The following CXCL13 variants were observed in gnomAD, a reference collection of about 807,000 sequenced individuals.
CXCL13 encodes the protein C-X-C motif chemokine ligand 13, also known as C-X-C motif chemokine 13.
A neutral mutation model predicts 12.2 loss-of-function variants in CXCL13; 7 were observed. The observed-to-expected ratio is 0.57, with a 90% CI of 0.33 to 1.07. The LOEUF is 1.07. CXCL13 is among the 50% of genes least tolerant of loss of function. The pLI is 0.04. For synonymous variants in CXCL13, 47 were observed against 42.4 expected, an observed-to-expected ratio of 1.11 and a Z score of -0.42; for missense variants, 113 against 127.4, an observed-to-expected ratio of 0.89 and a Z score of 0.55.
intron 2 of CXCL13, among the ~76,000 whole-genome samples, chr4:77,608,793 C>T (rs1172504112): frequency 1.3e-5 from 2 of 152,292 alleles, no homozygotes; most frequent in East Asian, 3.9e-4. Flanking sequence ...GCATCAAACT[C>T]AGAGATGTGA....
At chr4:77,546,062 A>G (rs1216620200) in intron 1 of CXCL13, among the ~76,000 whole-genome samples, 2 of 152,058 alleles carry the variant, frequency 1.3e-5, no homozygotes. Context: ...ATTGATTTGC[A>G]TATGTTAAAC....
At chr4:77,542,868 G>A (rs1047904154) in intron 1 of CXCL13, among the ~76,000 whole-genome samples, 1 of 152,108 alleles carries the variant, frequency 6.6e-6, no homozygotes, top group South Asian at 2.1e-4. Context: ...TCAGGGTGAT[G>A]CTAGCTTTGT....
intron 1 of CXCL13, among the ~76,000 whole-genome samples, chr4:77,524,249 C>A (rs1724702347): frequency 6.6e-6 from 1 of 152,150 alleles, no homozygotes; most frequent in African/African-American, 2.4e-5. Flanking sequence ...CTGGGAGAAC[C>A]CCTTCTCTCT....
intron 1 of CXCL13, among the ~76,000 whole-genome samples, chr4:77,530,019 A>G (rs1311083723): frequency 1.3e-5 from 2 of 152,228 alleles, no homozygotes; most frequent in African/African-American, 2.4e-5. Flanking sequence ...CCTTTCTTGC[A>G]TCTATTGAGA....
At chr4:77,516,751 A>G (rs1223091416) in intron 1 of CXCL13, among the ~76,000 whole-genome samples, 1 of 152,124 alleles carries the variant, frequency 6.6e-6, no homozygotes, top group Non-Finnish European at 1.5e-5. Flanking sequence ...GATCCATTCA[A>G]AAAACCAGCT....
At chr4:77,518,760 G>A (rs1724496797) in intron 1 of CXCL13, among the ~76,000 whole-genome samples, 1 of 152,008 alleles carries the variant, frequency 6.6e-6, no homozygotes, top group Non-Finnish European at 1.5e-5. Context: ...GTAGCTCATA[G>A]TTTGATTGTC....
At chr4:77,582,221 C>T (rs375831692) in intron 1 of CXCL13, among the ~76,000 whole-genome samples, 14 of 152,262 alleles carry the variant, frequency 9.2e-5, no homozygotes, top group African/African-American at 3.1e-4. Context: ...TTGGAGCTGA[C>T]CCACTCATTC....
chr4:77,581,639 G>T (rs544447316), intron 1 of CXCL13, among the ~76,000 whole-genome samples: 1 of 152,006 alleles, frequency 6.6e-6, no homozygotes, highest in African/African-American at 2.4e-5. Context: ...CAACAAATAC[G>T]TATTGAGTAT....
At chr4:77,553,238 C>A (rs1319065051) in intron 1 of CXCL13, among the ~76,000 whole-genome samples, 2 of 152,176 alleles carry the variant, frequency 1.3e-5, no homozygotes, top group African/African-American at 2.4e-5. Flanking sequence ...GAGCAAAATT[C>A]CAGCACCTAC....
Position 77,582,331 on chromosome 4 carries a change from C to A in CXCL13, c.-42-23493C>A, listed in dbSNP as rs190242367. Among the ~76,000 whole-genome samples the A allele has an allele frequency of 3.7e-3, 558 of 152,240 alleles. 2 individuals are homozygous for A. The highest frequency in any genetic ancestry group is 0.013 in the African/African-American group (526 of 41,532). ...ATATATAATTACTAACTGGGCAGCA[C>A]TCCAAGAGAGACAGTATGATTCTTA... is the stretch of plus-strand genomic sequence containing the variant. On this transcript the variant is annotated intron_variant, in intron 1 of 4. Transcript: ENST00000286758.
intron 1 of CXCL13, among the ~76,000 whole-genome samples, chr4:77,568,982 A>G (rs1353643142): frequency 1.3e-5 from 2 of 152,210 alleles, no homozygotes; most frequent in African/African-American, 2.4e-5. Flanking sequence ...AAAAACTTCT[A>G]TATCTAGCAG....
At chr4:77,523,196 C>T (rs187867611) in intron 1 of CXCL13, among the ~76,000 whole-genome samples, 93 of 152,196 alleles carry the variant, frequency 6.1e-4, no homozygotes, top group African/African-American at 2.1e-3. Context: ...CTTGGGGTTG[C>T]TTTTCTCAAG....
At chr4:77,583,598 G>T (rs938906118) in intron 1 of CXCL13, among the ~76,000 whole-genome samples, 1 of 152,236 alleles carries the variant, frequency 6.6e-6, no homozygotes, top group Admixed American at 6.5e-5. Context: ...GCACCTCAGG[G>T]TACTGAGTTC....
At chr4:77,521,559 G>T (rs916966022) in intron 1 of CXCL13, among the ~76,000 whole-genome samples, 3 of 152,020 alleles carry the variant, frequency 2.0e-5, no homozygotes, top group East Asian at 1.9e-4. Context: ...GATCGGTGGT[G>T]ATATCCCCTT....
chr4:77,594,592 A>AGGTC lies in CXCL13; in HGVS notation c.-42-11232_-42-11231insGGTC, dbSNP rs1560536132. 5.7e-3 allele frequency among the ~76,000 whole-genome samples: 868 copies of AGGTC among 152,256 alleles called. 10 individuals carry two copies. The highest frequency in any genetic ancestry group is 0.02 in the African/African-American group (816 of 41,546). On this transcript the variant is annotated intron_variant, in intron 1 of 4. Transcript: ENST00000286758. ...AGGCACAGTGGCCTGGGCTCTGTTG[A>AGGTC]CAGGCAGCTGGGCAGGTCCAGGGGC...
intron 1 of CXCL13, among the ~76,000 whole-genome samples, chr4:77,577,788 G>A (rs568978458): frequency 6.6e-6 from 1 of 152,280 alleles, no homozygotes; most frequent in Admixed American, 6.5e-5. Context: ...TCGGGTATTT[G>A]CTAGGAAGAG....
intron 1 of CXCL13, among the ~76,000 whole-genome samples, chr4:77,554,693 T>C (rs1725619896): frequency 6.6e-6 from 1 of 152,062 alleles, no homozygotes; most frequent in Admixed American, 6.5e-5. Flanking sequence ...GCAACATATA[T>C]GCAGGATTAT....
intron 1 of CXCL13, among the ~76,000 whole-genome samples, chr4:77,592,557 TATC>T (rs995989778): frequency 2.6e-4 from 40 of 152,218 alleles, no homozygotes; most frequent in Admixed American, 2.4e-3. Flanking sequence ...TATATCATAA[TATC>T]ATTGTGTGCC....
chr4:77,522,383 A>G (rs976089282), intron 1 of CXCL13, among the ~76,000 whole-genome samples: 5 of 151,874 alleles, frequency 3.3e-5, no homozygotes, highest in African/African-American at 1.2e-4. Flanking sequence ...TTGGGTGCAT[A>G]TATATATTTG....
Sources: gnomAD v4.1 joint callset for allele counts (sites outside exome capture counted in the v4.1 genomes callset) on GRCh38, gnomAD v4.1.1 for gene constraint, MANE v1.5 for transcripts, NCBI Gene and HGNC (gene_info 2026-07-23, HGNC 2026-07-21) for gene names.